The following SPTBN1 variants were observed in gnomAD, a reference collection of about 807,000 sequenced individuals.
SPTBN1 encodes spectrin beta, non-erythrocytic 1, also known as spectrin beta chain, non-erythrocytic 1.
In SPTBN1, 32 loss-of-function variants were observed where a neutral mutation model predicts 266.4. The observed-to-expected ratio is 0.12, with a 90% CI of 0.09 to 0.16. The LOEUF (loss-of-function observed/expected upper bound fraction) is 0.16. Ranked by LOEUF, SPTBN1 falls within the 10% of genes least tolerant of loss-of-function variation. The pLI is 1.00. For synonymous variants in SPTBN1, 1,336 were observed against 1,162.2 expected, an observed-to-expected ratio of 1.15 and a Z score of -3.04; for missense variants, 2,296 against 3,067.1, an observed-to-expected ratio of 0.75 and a Z score of 5.94.
intron 4 of SPTBN1, among the ~76,000 whole-genome samples, chr2:54,615,165 C>T (rs12713272): frequency 0.23 from 34,857 of 151,996 alleles, 4,963 homozygotes; most frequent in African/African-American, 0.4. Context: ...GTTTCAATTC[C>T]CAGGTGTTTT....
intron 2 of SPTBN1, chr2:54,529,424 G>C: frequency 1.4e-6 from 1 of 705,302 alleles, no homozygotes; most frequent in South Asian, 1.4e-5. Flanking sequence ...GGCCAAGAAG[G>C]TAGTGTTGAA....
chr2:54,636,517 C>T (rs897405233), intron 17 of SPTBN1, among the ~76,000 whole-genome samples: 2 of 152,144 alleles, frequency 1.3e-5, no homozygotes, highest in Non-Finnish European at 2.9e-5. Context: ...CACTGAGGGC[C>T]CGTGTGGTGC....
chr2:54,468,544 T>A (rs1165039259), intron 1 of SPTBN1, among the ~76,000 whole-genome samples: 1 of 152,184 alleles, frequency 6.6e-6, no homozygotes, highest in African/African-American at 2.4e-5. Context: ...GCATGTTGCA[T>A]GGCAAAACAT....
At chr2:54,506,108 A>G (rs1188139724) in intron 1 of SPTBN1, among the ~76,000 whole-genome samples, 2 of 150,222 alleles carry the variant, frequency 1.3e-5, no homozygotes, top group Admixed American at 6.7e-5. Context: ...TGGGCAACAG[A>G]GTGAGACTCC....
intron 2 of SPTBN1, among the ~76,000 whole-genome samples, chr2:54,560,871 C>G (rs1460988418): frequency 6.6e-6 from 1 of 152,192 alleles, no homozygotes; most frequent in Non-Finnish European, 1.5e-5. Context: ...TCCTTCAGAA[C>G]AAATGAACCG....
intron 1 of SPTBN1, among the ~76,000 whole-genome samples, chr2:54,492,726 C>G (rs1372494399): frequency 6.6e-6 from 1 of 152,130 alleles, no homozygotes; most frequent in African/African-American, 2.4e-5. Flanking sequence ...TACCCCCAGC[C>G]TGATGTAGAA....
chr2:54,510,959 A>G (rs1363312320), intron 1 of SPTBN1, among the ~76,000 whole-genome samples: 3 of 152,352 alleles, frequency 2.0e-5, no homozygotes, highest in Non-Finnish European at 4.4e-5. Flanking sequence ...TTACAAGCCC[A>G]TGCAGCTTTG....
chr2:54,663,307 C>T (rs1039497300), intron 32 of SPTBN1: 2 of 152,208 alleles, frequency 1.3e-5, no homozygotes, highest in Non-Finnish European at 2.9e-5. Context: ...GTGCCATTGA[C>T]TTCTCCATGT....
intron 2 of SPTBN1, among the ~76,000 whole-genome samples, chr2:54,578,563 T>A (rs1267485501): frequency 6.6e-6 from 1 of 152,232 alleles, no homozygotes; most frequent in Non-Finnish European, 1.5e-5. Context: ...ATATAAAAAC[T>A]GTTTCTAAGA....
rs536468628 is a variant in SPTBN1, at chr2:54,488,400, G to A, written c.-48+31882G>A. Among the ~76,000 whole-genome samples the A allele has an allele frequency of 5.9e-5, 9 of 152,278 alleles. No individual in the cohort carries two copies. In the South Asian group the frequency reaches 1.2e-3, roughly 21 times the overall value. ...CTCTCTGTTTTCACCTTGGACTGCCGTGATGTCTGACTCATACTGTAGTCT... is the reference window on the plus strand; with the variant it reads ...CTCTCTGTTTTCACCTTGGACTGCCATGATGTCTGACTCATACTGTAGTCT... On this transcript the variant is annotated intron_variant, in intron 1 of 35. Coordinates refer to ENST00000356805, the MANE Select transcript of SPTBN1 (RefSeq NM_003128.3).
At chr2:54,595,300 C>G (rs1314937735) in intron 2 of SPTBN1, among the ~76,000 whole-genome samples, 1 of 152,130 alleles carries the variant, frequency 6.6e-6, no homozygotes, top group Non-Finnish European at 1.5e-5. Flanking sequence ...GCTTAGTAAA[C>G]TGCGGGAGGG....
intron 5 of SPTBN1, among the ~76,000 whole-genome samples, chr2:54,616,502 C>A (rs1677624113): frequency 6.6e-6 from 1 of 152,212 alleles, no homozygotes; most frequent in Admixed American, 6.5e-5. Flanking sequence ...GTCATGTCTT[C>A]ATAATCAGTT....
intron 2 of SPTBN1, among the ~76,000 whole-genome samples, chr2:54,543,641 C>T (rs965321625): frequency 1.3e-5 from 2 of 152,102 alleles, no homozygotes; most frequent in African/African-American, 4.8e-5. Flanking sequence ...TTTGTATCTT[C>T]TCTCACTGTA....
At chr2:54,575,039 A>G (rs1351710002) in intron 2 of SPTBN1, among the ~76,000 whole-genome samples, 2 of 152,186 alleles carry the variant, frequency 1.3e-5, no homozygotes, top group Non-Finnish European at 1.5e-5. Context: ...TTCTGCAGCA[A>G]GAGGGGGCCG....
At chr2:54,637,988 T>C (rs1679266666) in intron 18 of SPTBN1, among the ~76,000 whole-genome samples, 185 bp downstream of exon 18, 1 of 152,256 alleles carries the variant, frequency 6.6e-6, no homozygotes, top group African/African-American at 2.4e-5. Flanking sequence ...ACAGCTTAAT[T>C]AGATCATTAT....
At chr2:54,593,347 C>G (rs747220196) in intron 2 of SPTBN1, among the ~76,000 whole-genome samples, 41 of 152,256 alleles carry the variant, frequency 2.7e-4, no homozygotes, top group African/African-American at 9.9e-4. Flanking sequence ...GTCTCCCACC[C>G]CTGTCATGTC....
Position 54,533,023 on chromosome 2 carries a change from G to A in SPTBN1, c.148+6457G>A, listed in dbSNP as rs754613758. Among the ~76,000 whole-genome samples, 19 of 151,640 alleles carry A rather than the reference G, an allele frequency of 1.3e-4. No individual in the cohort carries two copies. The highest frequency in any genetic ancestry group is 2.8e-4 in the Non-Finnish European group (19 of 67,972). The stretch of plus-strand genomic sequence containing the variant: ...CACTTAAAGGAAGCATTTGACAGTC[G>A]CTTCTTTTTAGCATATCTGAATTGC... On this transcript the variant is annotated intron_variant, in intron 2 of 35. Transcript: ENST00000356805. The surrounding 1 kb of genome is among the most constrained non-coding windows in gnomAD (Gnocchi z 4.2).
chr2:54,474,096 G>A (rs1478273589), intron 1 of SPTBN1, among the ~76,000 whole-genome samples: 1 of 152,228 alleles, frequency 6.6e-6, no homozygotes, highest in Non-Finnish European at 1.5e-5. Flanking sequence ...CCACTGGTAG[G>A]TGGAGTAATG....
Position 54,655,142 on chromosome 2 carries a change from C to T in SPTBN1, c.5895C>T (p.Asp1965=), listed in dbSNP as rs758024632. The change falls in exon 28 of 36, where the codon GAC becomes GAT. Residue 1965 remains aspartate, a synonymous_variant. Coordinates refer to ENST00000356805, the MANE Select transcript of SPTBN1 (RefSeq NM_003128.3). ...AAGCTGAAATTGATGCACGTAATGACAGTTTCACAACCTGCATTGAACTTG... is the reference window on the plus strand; with the variant it reads ...AAGCTGAAATTGATGCACGTAATGATAGTTTCACAACCTGCATTGAACTTG... ...GIKAEIDARN[D]SFTTCIELGK... 5.6e-6 allele frequency: 9 copies of T among 1,614,194 alleles called. No homozygotes were observed. In the Admixed American group the frequency reaches 1.2e-4, roughly 21 times the overall value.
Sources: allele counts gnomAD v4.1 joint callset (sites outside exome capture counted in the v4.1 genomes callset), GRCh38; gene constraint gnomAD v4.1.1; non-coding constraint Gnocchi (gnomAD v3.1); transcripts MANE v1.5; gene names NCBI Gene and HGNC (gene_info 2026-07-23, HGNC 2026-07-21).